Variants in IMMP2L observed in about 807,000 individuals in gnomAD.
IMMP2L encodes inner mitochondrial membrane peptidase subunit 2.
IMMP2L carries 18 observed loss-of-function variants against 19.3 expected under a neutral mutation model. The observed-to-expected ratio is 0.93, with a 90% CI of 0.64 to 1.38. The LOEUF (loss-of-function observed/expected upper bound fraction) is 1.38. Ranked by LOEUF, IMMP2L falls within the 40% of genes most tolerant of loss-of-function variation. IMMP2L has a pLI of 0.00. For synonymous variants in IMMP2L, 76 were observed against 73.0 expected, an observed-to-expected ratio of 1.04 and a Z score of -0.21; for missense variants, 233 against 218.2, an observed-to-expected ratio of 1.07 and a Z score of -0.43.
chr7:110,663,697 G>T lies in IMMP2L; in HGVS notation c.433C>A (p.His145Asn). The part of the protein sequence containing the change: ...GPVSLGLLHA[H>N]ATHILWPPER... ...GGGGGCCACAGGATATGTGTGGCATGGGCATGCAGAAGTCCTAGGGAAACC... is the reference window on the plus strand; with the variant it reads ...GGGGGCCACAGGATATGTGTGGCATTGGCATGCAGAAGTCCTAGGGAAACC... The change falls in exon 6 of 6, where the codon CAT (histidine) becomes AAT (asparagine). Residue 145 changes from histidine to asparagine, a missense_variant. Transcript: ENST00000405709. 1 of 1,599,518 alleles carries T rather than the reference G, an allele frequency of 6.3e-7. No homozygotes were observed. Among genetic ancestry groups the T allele is most frequent in the Non-Finnish European group, 8.5e-7 (1 of 1,173,228 alleles).
At chr7:110,987,937 C>A (rs974093369) in intron 3 of IMMP2L, among the ~76,000 whole-genome samples, 1 of 152,006 alleles carries the variant, frequency 6.6e-6, no homozygotes, top group Non-Finnish European at 1.5e-5. Context: ...CTCATTATCC[C>A]GTTATCAATT....
At chr7:111,145,949 G>A (rs991964038) in intron 3 of IMMP2L, among the ~76,000 whole-genome samples, 5 of 152,042 alleles carry the variant, frequency 3.3e-5, no homozygotes, top group Non-Finnish European at 5.9e-5. Context: ...CGCCCATTCA[G>A]AGTAATTATT....
At chr7:111,280,655 A>G (rs1490860633) in intron 3 of IMMP2L, among the ~76,000 whole-genome samples, 1 of 152,176 alleles carries the variant, frequency 6.6e-6, no homozygotes, top group Non-Finnish European at 1.5e-5. Flanking sequence ...AGTAACGTAC[A>G]GGATGACTTC....
At chr7:110,825,651 T>C (rs1247780399) in intron 5 of IMMP2L, among the ~76,000 whole-genome samples, 2 of 152,162 alleles carry the variant, frequency 1.3e-5, no homozygotes, top group Non-Finnish European at 2.9e-5. Context: ...AAGCTGAAAC[T>C]GGATCCCTTC....
intron 3 of IMMP2L, among the ~76,000 whole-genome samples, chr7:111,337,308 G>A (rs1370342455): frequency 6.6e-6 from 1 of 151,980 alleles, no homozygotes; most frequent in Admixed American, 6.6e-5. Context: ...GTTATTTGAA[G>A]ATATAAAAAT....
At chr7:110,905,488 A>T (rs1812352406) in intron 4 of IMMP2L, among the ~76,000 whole-genome samples, 1 of 152,106 alleles carries the variant, frequency 6.6e-6, no homozygotes, top group Non-Finnish European at 1.5e-5. Context: ...TCAAATATAT[A>T]TAAGAGGATC....
Position 111,198,512 on chromosome 7 carries a change from G to C in IMMP2L, c.240-234947C>G, listed in dbSNP as rs559988928. On this transcript the variant is annotated intron_variant, in intron 3 of 5. Coordinates refer to ENST00000405709, the MANE Select transcript of IMMP2L (RefSeq NM_032549.4). ...TACCAGGTCACTCTGGTTAACCACAGCTCCTTGTGAAGCAGTGATTCATAC... is the reference window on the plus strand; with the variant it reads ...TACCAGGTCACTCTGGTTAACCACACCTCCTTGTGAAGCAGTGATTCATAC... Among the ~76,000 whole-genome samples the C allele has an allele frequency of 3.3e-5, 5 of 152,226 alleles. No individual in the cohort carries two copies. In the East Asian group the frequency reaches 9.7e-4, roughly 29 times the overall value.
intron 5 of IMMP2L, among the ~76,000 whole-genome samples, chr7:110,769,330 T>C (rs181458653): frequency 6.6e-6 from 1 of 152,304 alleles, no homozygotes; most frequent in African/African-American, 2.4e-5. Flanking sequence ...GAATGACCTC[T>C]TGTACAGAGA....
At chr7:111,522,208 T>C (rs1232288132) in intron 1 of IMMP2L, among the ~76,000 whole-genome samples, 1 of 152,076 alleles carries the variant, frequency 6.6e-6, no homozygotes, top group Non-Finnish European at 1.5e-5. Flanking sequence ...TTGTCGTTGT[T>C]GTTTTTAGAC....
intron 5 of IMMP2L, among the ~76,000 whole-genome samples, chr7:110,808,326 G>A (rs989114569): frequency 1.3e-5 from 2 of 152,002 alleles, no homozygotes; most frequent in African/African-American, 4.8e-5. Flanking sequence ...GCCACCATGC[G>A]CTAACAATCT....
chr7:111,128,756 C>G (rs542750540), intron 3 of IMMP2L, among the ~76,000 whole-genome samples: 1 of 151,970 alleles, frequency 6.6e-6, no homozygotes, highest in Non-Finnish European at 1.5e-5. Context: ...ATCTGGGAGG[C>G]GGAGGTTGCA....
chr7:110,890,653 GTGT>G (rs1810698459), intron 4 of IMMP2L, among the ~76,000 whole-genome samples: 1 of 152,092 alleles, frequency 6.6e-6, no homozygotes, highest in South Asian at 2.1e-4. Context: ...GTTAAGTGAG[GTGT>G]CAGCCTACAA....
At chr7:111,045,355 C>G (rs1792295794) in intron 3 of IMMP2L, among the ~76,000 whole-genome samples, 1 of 152,182 alleles carries the variant, frequency 6.6e-6, no homozygotes, top group African/African-American at 2.4e-5. Flanking sequence ...GTCCAATATA[C>G]TACCCTTTCT....
chr7:110,717,775 C>G (rs1052120227), intron 5 of IMMP2L, among the ~76,000 whole-genome samples: 1 of 151,980 alleles, frequency 6.6e-6, no homozygotes, highest in Non-Finnish European at 1.5e-5. Flanking sequence ...TTGGTAGAAC[C>G]CAGATTGAGA....
chr7:110,775,226 C>T (rs552906806), intron 5 of IMMP2L, among the ~76,000 whole-genome samples: 1 of 145,434 alleles, frequency 6.9e-6, no homozygotes, highest in African/African-American at 2.6e-5. Context: ...AAATATTTTA[C>T]GAGTGCATAA....
At chr7:110,929,076 A>G (rs1362451483) in intron 4 of IMMP2L, among the ~76,000 whole-genome samples, 2 of 152,114 alleles carry the variant, frequency 1.3e-5, no homozygotes, top group Non-Finnish European at 2.9e-5. Context: ...TTCCTTATGT[A>G]AGGGGAGAAG....
In IMMP2L at chr7:111,027,907, C is replaced by A. The variant is rs750458264; in HGVS notation, c.240-64342G>T. Among the ~76,000 whole-genome samples the A allele has an allele frequency of 2.6e-5, 4 of 152,040 alleles. No individual in the cohort carries two copies. The East Asian group carries it at 5.8e-4, about 22-fold the overall frequency. ...ATTGTTTATAATCACAAAAGCTTGACAACTTAGAAAGACAGACTAGGAGAA... is the reference window on the plus strand; with the variant it reads ...ATTGTTTATAATCACAAAAGCTTGAAAACTTAGAAAGACAGACTAGGAGAA... On this transcript the variant is annotated intron_variant, in intron 3 of 5. Coordinates refer to ENST00000405709, the MANE Select transcript of IMMP2L (RefSeq NM_032549.4).
At chr7:110,782,525 A>AC (rs1471416672) in intron 5 of IMMP2L, among the ~76,000 whole-genome samples, 3 of 151,794 alleles carry the variant, frequency 2.0e-5, no homozygotes, top group African/African-American at 7.3e-5. Flanking sequence ...CCTTTTTAAG[A>AC]CTTTTTTTGT....
chr7:110,950,856 A>ATATATATATATATG (rs1291120709), intron 4 of IMMP2L, among the ~76,000 whole-genome samples: 2 of 126,090 alleles, frequency 1.6e-5, no homozygotes, highest in African/African-American at 7.8e-5. Context: ...ATATATATAT[A>ATATATATATATATG]TATATATATA....
Sources: gnomAD v4.1 joint callset for allele counts (sites outside exome capture counted in the v4.1 genomes callset) on GRCh38, gnomAD v4.1.1 for gene constraint, MANE v1.5 for transcripts, NCBI Gene and HGNC (gene_info 2026-07-23, HGNC 2026-07-21) for gene names.